The following PNN variants were observed in gnomAD, a reference collection of about 807,000 sequenced individuals.
PNN encodes the protein pinin.
In PNN, 38 loss-of-function variants were observed where a neutral mutation model predicts 76.6. The observed-to-expected ratio is 0.50, with a 90% CI of 0.38 to 0.65. PNN has a LOEUF of 0.65. Among genes scored for constraint, PNN ranks in the 30% least tolerant of loss-of-function variants. The pLI is 0.00. For synonymous variants in PNN, 366 were observed against 283.7 expected (o/e 1.29, Z -2.91); for missense variants, 873 against 874.1 (o/e 1.00, Z 0.02).
chr14:39,181,073 A>G lies in PNN; in HGVS notation c.1364A>G (p.Glu455Gly), dbSNP rs781213235. The G allele has an allele frequency of 6.2e-6, 10 of 1,613,572 alleles. No individual in the cohort carries two copies. The South Asian group carries it at 9.9e-5, about 16-fold the overall frequency. ...GAGAATGTCAGTGCTTTAGACATGG[A>G]AAAGGAGTCTGAGGAAAAAGAAGAA... ...GKENVSALDM[E>G]KESEEKEEKE... is the part of the protein sequence containing the mutation. Residue 455 changes from glutamate (E) to glycine (G), a missense_variant, in exon 9 of 9, where the codon GAA (glutamate) becomes GGA (glycine). Physicochemically the swap from Glu to Gly is moderately conservative, Grantham distance 98 (BLOSUM62 -2). Transcript: ENST00000216832.
intron 6 of PNN, 99 bp from the exon 7 acceptor site, chr14:39,178,992 G>C: frequency 9.2e-7 from 1 of 1,086,754 alleles, no homozygotes; most frequent in Non-Finnish European, 1.3e-6. Flanking sequence ...TAATTAGTAT[G>C]TGTAATAACT....
In PNN at chr14:39,179,425, C is replaced by G. The variant is rs11558739; in HGVS notation, c.756C>G (p.Thr252=). The G allele has an allele frequency of 6.2e-7, 1 of 1,612,534 alleles. No individual in the cohort carries two copies. The highest frequency in any genetic ancestry group is 8.5e-7 in the Non-Finnish European group (1 of 1,179,174). ...TTCCTGGAAGAATGTGTCCAGCTAC[C>G]CAAAAACTAATAGAAGAGTCACAGA... The part of the protein sequence containing the change: ...FYIPGRMCPA[T]QKLIEESQRK... The change falls in exon 8 of 9, where the codon ACC becomes ACG. Residue 252 remains threonine, a synonymous_variant. Coordinates refer to ENST00000216832, the MANE Select transcript of PNN (RefSeq NM_002687.4).
In PNN at chr14:39,181,363, A is replaced by C. The variant is rs1460025628; in HGVS notation, c.1654A>C (p.Ser552Arg). 7.4e-6 allele frequency: 12 copies of C among 1,614,272 alleles called. No homozygotes were observed. The highest frequency in any genetic ancestry group is 1.0e-5 in the Non-Finnish European group (12 of 1,180,052). ...GCCAGTCTTGACAGTACATCCAGAG[A>C]GCAAGAGCAAAACCAAAACTAGGAG... ...VEPVLTVHPE[S>R]KSKTKTRSRS... The change falls in exon 9 of 9, where the codon AGC becomes CGC. Residue 552 changes from serine (S) to arginine (R), a missense_variant. This residue lies in a region of PNN where 712 missense variants were observed against 693.1 expected (regional missense o/e 1.03). Coordinates refer to ENST00000216832, the MANE Select transcript of PNN (RefSeq NM_002687.4).
chr14:39,175,637 C>T, intron 1 of PNN: 3 of 534,812 alleles, frequency 5.6e-6, no homozygotes, highest in African/African-American at 2.0e-5. Flanking sequence ...GCTTTCTTGG[C>T]CTGTGAGAAG....
In PNN at chr14:39,181,560, C is replaced by T; in HGVS notation, c.1851C>T (p.Ser617=). ...SSSSSSTSGS[S]SRDSSSSTSS... is the part of the protein sequence containing the mutation. ...GCAGCTCCAGTACAAGTGGCAGCAG[C>T]AGCAGAGATAGTAGCAGTAGCACTA... The change falls in exon 9 of 9, where the codon AGC becomes AGT. Residue 617 remains serine (S), a synonymous_variant. Transcript: ENST00000216832. The T allele has an allele frequency of 6.2e-7, 1 of 1,611,332 alleles. No homozygotes were observed. The highest frequency in any genetic ancestry group is 8.5e-7 in the Non-Finnish European group (1 of 1,178,604).
intron 8 of PNN, among the ~76,000 whole-genome samples, chr14:39,180,144 AGAT>A (rs1283159523): frequency 3.3e-5 from 5 of 152,232 alleles, no homozygotes; most frequent in African/African-American, 7.2e-5. Flanking sequence ...GACACTGCTA[AGAT>A]GATGATTTAT....
chr14:39,175,373 C>T lies in PNN; in HGVS notation c.94C>T (p.Arg32Trp). 6.2e-7 allele frequency: 1 copy of T among 1,608,764 alleles called. No homozygotes were observed. The highest frequency in any genetic ancestry group is 8.5e-7 in the Non-Finnish European group (1 of 1,175,754). ...TGAGAACATTCGCAAGCTCACCGGG[C>T]GGGATCCGAATGACGTGAGGTAAGG... ...VDENIRKLTG[R>W]DPNDVRPIQA... Residue 32 changes from arginine to tryptophan, a missense_variant, in exon 1 of 9, where the codon CGG becomes TGG. Arg to Trp is a moderately radical substitution (Grantham distance 101, BLOSUM62 -3). Transcript: ENST00000216832.
Position 39,176,534 on chromosome 14 carries a change from T to G in PNN, c.193T>G (p.Phe65Val). The G allele has an allele frequency of 6.2e-7, 1 of 1,605,662 alleles. No homozygotes were observed. Among genetic ancestry groups the G allele is most frequent in the Non-Finnish European group, 8.5e-7 (1 of 1,175,802 alleles). ...GAACATTTTAAATTTCAGGCGTGGATTCTCAGATAGTGGAGGAGGACCCCC... is the reference window on the plus strand; with the variant it reads ...GAACATTTTAAATTTCAGGCGTGGAGTCTCAGATAGTGGAGGAGGACCCCC... The part of the protein sequence containing the change: ...GRGSLLLRRG[F>V]SDSGGGPPAK... The change falls in exon 3 of 9, where the codon TTC becomes GTC. Residue 65 changes from phenylalanine to valine, a missense_variant. Physicochemically the swap from Phe to Val is conservative, Grantham distance 50. This residue lies in a region of PNN where 156 missense variants were observed against 161.7 expected (regional missense o/e 0.96). Transcript: ENST00000216832.
In PNN at chr14:39,179,260, T is replaced by G; in HGVS notation, c.654+14T>G. 1 of 1,610,116 alleles carries G rather than the reference T, an allele frequency of 6.2e-7. No homozygotes were observed. Among genetic ancestry groups the G allele is most frequent in the Non-Finnish European group, 8.5e-7 (1 of 1,178,756 alleles). On this transcript the variant is annotated intron_variant, in intron 7 of 8. Transcript: ENST00000216832. Reference sequence around the variant, plus strand: ...CTTGCGCAGCTGGTGAGTGGTAATTTGGAATTCTAAGATTGGTAATCCTTT... The same window carrying G: ...CTTGCGCAGCTGGTGAGTGGTAATTGGGAATTCTAAGATTGGTAATCCTTT...
intron 1 of PNN, chr14:39,175,711 C>T (rs2053217728): frequency 6.4e-6 from 3 of 467,832 alleles, no homozygotes; most frequent in Non-Finnish European, 1.1e-5. Context: ...AAGCCCCTTC[C>T]CGCTCCGGCG....
intron 1 of PNN, 23 bp from the exon 2 acceptor site, chr14:39,176,055 A>G (rs2053220634): frequency 7.0e-7 from 1 of 1,431,798 alleles, no homozygotes; most frequent in African/African-American, 1.4e-5. Context: ...ATGATTTTGC[A>G]CTGATTTGTA....
Position 39,175,394 on chromosome 14 carries a change from T to A in PNN, c.113+2T>A, listed in dbSNP as rs778986772. The A allele has an allele frequency of 6.3e-7, 1 of 1,581,068 alleles. No individual in the cohort carries two copies. The highest frequency in any genetic ancestry group is 8.7e-7 in the Non-Finnish European group (1 of 1,151,350). On this transcript the variant is annotated splice_donor_variant, in intron 1 of 8. Transcript: ENST00000216832. LOFTEE classifies it high-confidence loss of function. Reference sequence around the variant, plus strand: ...CGGGCGGGATCCGAATGACGTGAGGTAAGGGCCTAACGGGAACTCGGAACT... The same window carrying A: ...CGGGCGGGATCCGAATGACGTGAGGAAAGGGCCTAACGGGAACTCGGAACT...
Position 39,181,965 on chromosome 14 carries a change from A to G in PNN, c.*102A>G, listed in dbSNP as rs1177482084. The G allele has an allele frequency of 7.8e-5, 94 of 1,200,836 alleles. No individual in the cohort carries two copies. In the East Asian group the frequency reaches 2.2e-3, roughly 28 times the overall value. The allele number at this position is 1,200,836 out of a possible 1,614,324, so 74.4% of individuals were successfully genotyped here. On this transcript the variant is annotated 3_prime_UTR_variant, in exon 9 of 9. Coordinates refer to ENST00000216832, the MANE Select transcript of PNN (RefSeq NM_002687.4). ...AAGAGGATGCTGCCTTAAGAATTGCATGTTGTAAAAAATCTTTTTGGAAAA... is the reference window on the plus strand; with the variant it reads ...AAGAGGATGCTGCCTTAAGAATTGCGTGTTGTAAAAAATCTTTTTGGAAAA...
Position 39,180,578 on chromosome 14 carries a change from T to G in PNN, c.869T>G (p.Met290Arg). 6.2e-7 allele frequency: 1 copy of G among 1,613,612 alleles called. No individual in the cohort carries two copies. The highest frequency in any genetic ancestry group is 8.5e-7 in the Non-Finnish European group (1 of 1,179,930). ...GAGGCTAGGCCTAGAAGACAATCAA[T>G]GAAGGAAAAAGAGCATCAGGTGGTG... The part of the protein sequence containing the change: ...KMEARPRRQS[M>R]KEKEHQVVRN... The change falls in exon 9 of 9, where the codon ATG (methionine) becomes AGG (arginine). Residue 290 changes from methionine to arginine, a missense_variant. By Grantham distance (91) the Met-to-Arg change is moderately conservative. This residue lies in a region of PNN where 712 missense variants were observed against 693.1 expected (regional missense o/e 1.03). Transcript: ENST00000216832.
Position 39,177,897 on chromosome 14 carries a change from C to G in PNN, c.479C>G (p.Ser160Cys), listed in dbSNP as rs763100329. The change falls in exon 6 of 9, where the codon TCC becomes TGC. Residue 160 changes from serine to cysteine, a missense_variant. Coordinates refer to ENST00000216832, the MANE Select transcript of PNN (RefSeq NM_002687.4). ...ACCCTTCAAAAATTTAAACAAGAAT[C>G]CACTGTTGCTACTGAAAGGGTATTT... ...MGTLQKFKQE[S>C]TVATERQKRR... The G allele has an allele frequency of 3.7e-6, 6 of 1,607,172 alleles. No homozygotes were observed. The highest frequency in any genetic ancestry group is 4.3e-6 in the Non-Finnish European group (5 of 1,173,930).
At position 39,179,136 on chromosome 14, in the gene PNN, G is replaced by A; in HGVS notation, c.544G>A (p.Glu182Lys). ...EIEQKLEVQA[E>K]EERKQVENER... ...TGAACAAAAACTTGAAGTTCAGGCA[G>A]AAGAAGAGAGAAAGCAGGTTGAAAA... is the stretch of plus-strand genomic sequence containing the variant. The change falls in exon 7 of 9, where the codon GAA becomes AAA. Residue 182 changes from glutamate to lysine, a missense_variant. Glu to Lys is a moderately conservative substitution (Grantham distance 56). This residue lies in a region of PNN where 712 missense variants were observed against 693.1 expected (regional missense o/e 1.03). Coordinates refer to ENST00000216832, the MANE Select transcript of PNN (RefSeq NM_002687.4). 2 of 1,614,002 alleles carry A rather than the reference G, an allele frequency of 1.2e-6. No individual in the cohort carries two copies. The highest frequency in any genetic ancestry group is 1.7e-6 in the Non-Finnish European group (2 of 1,179,996).
At chr14:39,175,540 C>T (rs2053213428) in intron 1 of PNN, 148 bp downstream of exon 1, 2 of 663,662 alleles carry the variant, frequency 3.0e-6, no homozygotes, top group Non-Finnish European at 5.4e-6. Context: ...CCTGTTGTCG[C>T]CGAGGTGGAG....
In PNN at chr14:39,182,462, C is replaced by G. The variant is rs2053277181; in HGVS notation, c.*599C>G. ...AATCATTTGCTATTTTCTATTCTCC[C>G]TTGTTATTTTAATCTAAGCATTTTC... On this transcript the variant is annotated 3_prime_UTR_variant, in exon 9 of 9. Transcript: ENST00000216832. 6.6e-6 allele frequency: 1 copy of G among 152,626 alleles called. No homozygotes were observed. Among genetic ancestry groups the G allele is most frequent in the Non-Finnish European group, 1.5e-5 (1 of 68,082 alleles). 9.5% of individuals were successfully genotyped at this position (152,626 alleles called of 1,614,324 possible). A position where few individuals can be genotyped will look rare whatever the true frequency, so the allele number is the denominator to read the frequency against.
At chr14:39,176,952 A>G (rs1000995685) in intron 3 of PNN, among the ~76,000 whole-genome samples, 5 of 152,250 alleles carry the variant, frequency 3.3e-5, no homozygotes, top group Admixed American at 1.3e-4. Flanking sequence ...TAGTTCACAC[A>G]TTGTAGTATC....
Sources: allele counts gnomAD v4.1 joint callset (sites outside exome capture counted in the v4.1 genomes callset), GRCh38; gene constraint gnomAD v4.1.1; regional missense constraint gnomAD v4.1.1; transcripts MANE v1.5; gene names NCBI Gene and HGNC (gene_info 2026-07-23, HGNC 2026-07-21).